The following SETD7 variants were observed in gnomAD, a reference collection of about 807,000 sequenced individuals.
SETD7 encodes histone-lysine N-methyltransferase SETD7.
SETD7 carries 16 observed loss-of-function variants against 41.8 expected under a neutral mutation model. That is an observed-to-expected ratio of 0.38 (90% CI 0.26 to 0.58). The LOEUF is 0.58. Among genes scored for constraint, SETD7 ranks in the 20% least tolerant of loss-of-function variants. The pLI, the probability that SETD7 is intolerant of heterozygous loss-of-function variation, is 0.64. For synonymous variants in SETD7, 163 were observed against 169.7 expected (o/e 0.96, Z 0.31); for missense variants, 346 against 459.7 (o/e 0.75, Z 2.26).
Position 139,554,515 on chromosome 4 carries a change from A to G in SETD7, c.40+1583T>C, listed in dbSNP as rs113040821. Among the ~76,000 whole-genome samples the G allele has an allele frequency of 6.1e-3, 923 of 152,344 alleles. 12 individuals are homozygous for G. The highest frequency in any genetic ancestry group is 0.01 in the Non-Finnish European group (701 of 68,032). On this transcript the variant is annotated intron_variant, in intron 1 of 7. Coordinates refer to ENST00000274031, the MANE Select transcript of SETD7 (RefSeq NM_030648.4). ...TCATTTTTCCTTTATCTTTCACAAC[A>G]TGGAGGCACAAGAAGTCAACAACTT... is the stretch of plus-strand genomic sequence containing the variant.
intron 2 of SETD7, among the ~76,000 whole-genome samples, chr4:139,534,989 T>A (rs1222077575): frequency 6.6e-6 from 1 of 152,246 alleles, no homozygotes; most frequent in Non-Finnish European, 1.5e-5. Flanking sequence ...CAGTTTTATT[T>A]GTACTATCAA....
intron 7 of SETD7, among the ~76,000 whole-genome samples, chr4:139,512,753 T>C (rs1454331501): frequency 4.8e-4 from 1 of 2,074 alleles, no homozygotes; most frequent in African/African-American, 5.3e-4. Context: ...TTTCTTATTC[T>C]TTTTTTTTTT....
At chr4:139,525,849 A>G (rs1727313657) in intron 4 of SETD7, among the ~76,000 whole-genome samples, 1 of 152,202 alleles carries the variant, frequency 6.6e-6, no homozygotes, top group African/African-American at 2.4e-5. Flanking sequence ...ATTAGACTAA[A>G]GATCGGTCTA....
intron 3 of SETD7, among the ~76,000 whole-genome samples, chr4:139,531,928 C>T (rs1404672747): frequency 6.6e-6 from 1 of 152,000 alleles, no homozygotes; most frequent in Non-Finnish European, 1.5e-5. Context: ...CCCCATTTTA[C>T]TAAAAATACA....
At chr4:139,553,774 C>G (rs544624768) in intron 1 of SETD7, among the ~76,000 whole-genome samples, 23 of 152,300 alleles carry the variant, frequency 1.5e-4, no homozygotes, top group African/African-American at 4.1e-4. Flanking sequence ...CTACTGAGAA[C>G]AGAGGCTCTG....
At chr4:139,534,111 C>G (rs1330779307) in intron 2 of SETD7, among the ~76,000 whole-genome samples, 4 of 152,080 alleles carry the variant, frequency 2.6e-5, no homozygotes, top group African/African-American at 9.7e-5. Flanking sequence ...GGTCCTATAC[C>G]AGAAGAAAGC....
At chr4:139,529,000 G>C in intron 4 of SETD7, 31 bp downstream of exon 4, 1 of 1,598,930 alleles carries the variant, frequency 6.3e-7, no homozygotes. Flanking sequence ...TTTGGAATTG[G>C]AGCAACCCAT....
chr4:139,538,062 G>T (rs1450298814), intron 2 of SETD7, among the ~76,000 whole-genome samples: 2 of 151,982 alleles, frequency 1.3e-5, no homozygotes, highest in Non-Finnish European at 2.9e-5. Flanking sequence ...TCAAAAAAAA[G>T]CATCATCAAA....
chr4:139,498,566 C>T (rs886181860), intron 7 of SETD7, among the ~76,000 whole-genome samples: 2 of 152,198 alleles, frequency 1.3e-5, no homozygotes, highest in African/African-American at 4.8e-5. Flanking sequence ...TGTGCCCCCT[C>T]CTCTTGGGAA....
At chr4:139,497,854 A>G (rs1388416710) in intron 7 of SETD7, among the ~76,000 whole-genome samples, 6 of 152,112 alleles carry the variant, frequency 3.9e-5, no homozygotes, top group Non-Finnish European at 7.4e-5. Flanking sequence ...CGGCCTCCCA[A>G]AGTGCTGGGA....
intron 2 of SETD7, among the ~76,000 whole-genome samples, chr4:139,542,839 C>T (rs553713883): frequency 3.3e-5 from 5 of 152,146 alleles, no homozygotes; most frequent in African/African-American, 1.2e-4. Context: ...TCAGATTTAT[C>T]TCATTCGATG....
Position 139,508,825 on chromosome 4 carries a change from G to C in SETD7, c.*2838C>G, listed in dbSNP as rs538420722. 2.0e-5 allele frequency: 3 copies of C among 152,142 alleles called. No homozygotes were observed. Among genetic ancestry groups the C allele is most frequent in the Non-Finnish European group, 2.9e-5 (2 of 68,024 alleles). 9.4% of individuals were successfully genotyped at this position (152,142 alleles called of 1,614,324 possible). A position where few individuals can be genotyped will look rare whatever the true frequency, so the allele number is the denominator to read the frequency against. On this transcript the variant is annotated 3_prime_UTR_variant, in exon 8 of 8. Coordinates refer to ENST00000274031, the MANE Select transcript of SETD7 (RefSeq NM_030648.4). ...TTTCCACTTGCGTTTAGGTTCAAAC[G>C]GGAAACAAACCCTTCCGTCCTCAGC...
At position 139,555,894 on chromosome 4, in the gene SETD7, T is replaced by G. The variant is rs1728253801; in HGVS notation, c.40+204A>C. ...CCCCCGGCCTGGCGGAGCCCCATTCTCGGCCTGCGCCCCGCCGCGCAGTGC... is the reference window on the plus strand; with the variant it reads ...CCCCCGGCCTGGCGGAGCCCCATTCGCGGCCTGCGCCCCGCCGCGCAGTGC... On this transcript the variant is annotated intron_variant, in intron 1 of 7. Coordinates refer to ENST00000274031, the MANE Select transcript of SETD7 (RefSeq NM_030648.4). This position sits in a 1 kb window ranked among gnomAD's most constrained non-coding sequence, Gnocchi z 4.0. Among the ~76,000 whole-genome samples the G allele has an allele frequency of 6.6e-6, 1 of 151,902 alleles. No homozygotes were observed. The highest frequency in any genetic ancestry group is 2.1e-4 in the South Asian group (1 of 4,830).
chr4:139,500,702 T>C (rs1470555989), intron 7 of SETD7, among the ~76,000 whole-genome samples: 1 of 152,098 alleles, frequency 6.6e-6, no homozygotes, highest in Non-Finnish European at 1.5e-5. Flanking sequence ...AGAGACGGGG[T>C]TTTGCCATGT....
At chr4:139,554,701 G>T (rs1273855137) in intron 1 of SETD7, among the ~76,000 whole-genome samples, 3 of 152,206 alleles carry the variant, frequency 2.0e-5, no homozygotes, top group African/African-American at 7.2e-5. Context: ...TCTTTAATTG[G>T]CTTCGAAGTT....
chr4:139,534,445 T>G (rs965044565), intron 2 of SETD7, among the ~76,000 whole-genome samples: 2 of 152,104 alleles, frequency 1.3e-5, no homozygotes, highest in Non-Finnish European at 2.9e-5. Flanking sequence ...TGGAGTGCAG[T>G]GGCATGATCA....
chr4:139,544,775 A>T lies in SETD7; in HGVS notation c.170+2145T>A, dbSNP rs1327617851. ...CAGAGTCAATCAGTTACTGGCTATC[A>T]TCATCAAACTACCAGATTTAAAGTG... On this transcript the variant is annotated intron_variant, in intron 2 of 7. Coordinates refer to ENST00000274031, the MANE Select transcript of SETD7 (RefSeq NM_030648.4). 2.0e-5 allele frequency among the ~76,000 whole-genome samples: 3 copies of T among 149,752 alleles called. No homozygotes were observed. The East Asian group carries it at 6.0e-4, about 30-fold the overall frequency.
intron 2 of SETD7, among the ~76,000 whole-genome samples, chr4:139,540,981 AC>A (rs1467390975): frequency 6.6e-6 from 1 of 152,186 alleles, no homozygotes; most frequent in Non-Finnish European, 1.5e-5. Context: ...CAGACGGGTG[AC>A]CTTGCTCAGG....
At chr4:139,499,670 T>TGGG (rs1391696929) in intron 7 of SETD7, among the ~76,000 whole-genome samples, 10,629 of 152,188 alleles carry the variant, frequency 0.07, 1,183 homozygotes, top group African/African-American at 0.23. Flanking sequence ...AAAGTACCCT[T>TGGG]AAAAACCCCA....
Sources: gnomAD v4.1 joint callset for allele counts (sites outside exome capture counted in the v4.1 genomes callset) on GRCh38, gnomAD v4.1.1 for gene constraint, Gnocchi (gnomAD v3.1) non-coding constraint, MANE v1.5 for transcripts, NCBI Gene and HGNC (gene_info 2026-07-23, HGNC 2026-07-21) for gene names.